AEBP2: variants seen among roughly 807,000 people sequenced by gnomAD.
AEBP2 encodes the protein zinc finger protein AEBP2.
AEBP2 carries 10 observed loss-of-function variants against 50.8 expected under a neutral mutation model. The ratio of observed to expected loss-of-function variants is 0.20; its 90% confidence interval spans 0.12 to 0.33. The LOEUF (loss-of-function observed/expected upper bound fraction) is 0.33. Among genes scored for constraint, AEBP2 ranks in the 10% least tolerant of loss-of-function variants. The pLI is 1.00. For missense variants in AEBP2, 570 were observed against 688.0 expected (o/e 0.83, Z 1.92); for synonymous variants, 296 against 261.3 (o/e 1.13, Z -1.28).
chr12:19,504,405 T>G (rs536406460), intron 5 of AEBP2, among the ~76,000 whole-genome samples: 2 of 150,568 alleles, frequency 1.3e-5, no homozygotes, highest in African/African-American at 2.4e-5. Context: ...CCTGGCTAAT[T>G]TTTTTGTATT....
chr12:19,493,167 C>G (rs1829118889), intron 3 of AEBP2, among the ~76,000 whole-genome samples: 1 of 152,090 alleles, frequency 6.6e-6, no homozygotes, highest in African/African-American at 2.4e-5. Context: ...TTTGGGAGGC[C>G]AAAGCAGGCA....
At chr12:19,457,131 C>T (rs1283876913) in intron 1 of AEBP2, 24 of 1,598,700 alleles carry the variant, frequency 1.5e-5, no homozygotes, top group Admixed American at 3.3e-5. Context: ...TAACAATTTC[C>T]TCATATCTCT....
intron 2 of AEBP2, among the ~76,000 whole-genome samples, chr12:19,469,744 G>A (rs948839607): frequency 6.6e-6 from 1 of 152,182 alleles, no homozygotes; most frequent in Non-Finnish European, 1.5e-5. Flanking sequence ...ACTGTGCTCA[G>A]CAGGTTGTTT....
intron 5 of AEBP2, among the ~76,000 whole-genome samples, 178 bp from the exon 6 acceptor site, chr12:19,512,220 C>T (rs1949243598): frequency 6.6e-6 from 1 of 152,150 alleles, no homozygotes; most frequent in Admixed American, 6.6e-5. Context: ...CGGGGTTTCA[C>T]CATATTGGCC....
chr12:19,447,866 A>G (rs78625744), intron 1 of AEBP2, among the ~76,000 whole-genome samples: 1 of 152,350 alleles, frequency 6.6e-6, no homozygotes, highest in East Asian at 1.9e-4. Flanking sequence ...ACAAAACAGT[A>G]TAAAGTAATT....
chr12:19,467,247 T>C (rs1948493160), intron 2 of AEBP2, among the ~76,000 whole-genome samples: 1 of 151,704 alleles, frequency 6.6e-6, no homozygotes, highest in South Asian at 2.1e-4. Context: ...GAGTGCTTTC[T>C]GCAATTTCAA....
chr12:19,517,983 A>G (rs955370475), intron 7 of AEBP2, 104 bp from the exon 8 acceptor site: 1 of 1,029,354 alleles, frequency 9.7e-7, no homozygotes, highest in Admixed American at 3.0e-5. Flanking sequence ...ATAATCTATG[A>G]TCATCACATT....
chr12:19,427,830 A>C (rs2095749359), intron 1 of AEBP2, among the ~76,000 whole-genome samples: 1 of 151,626 alleles, frequency 6.6e-6, no homozygotes, highest in Non-Finnish European at 1.5e-5. Flanking sequence ...GAAGGATTTT[A>C]CTCCTCAGAG....
intron 5 of AEBP2, among the ~76,000 whole-genome samples, chr12:19,505,702 A>C (rs1304546259): frequency 6.6e-6 from 1 of 152,230 alleles, no homozygotes; most frequent in Non-Finnish European, 1.5e-5. Flanking sequence ...CTAAGACCTT[A>C]GCTTTTATTC....
rs1250781328 is a variant in AEBP2, at chr12:19,440,029, C to T, written c.330C>T (p.Ser110=). 6.6e-7 allele frequency: 1 copy of T among 1,524,248 alleles called. No individual in the cohort carries two copies. Among genetic ancestry groups the T allele is most frequent in the Non-Finnish European group, 8.8e-7 (1 of 1,141,790 alleles). The allele number at this position is 1,524,248 out of a possible 1,614,324, so 94.4% of individuals were successfully genotyped here. ...EEDDEEEEDE[S]SSSGGGEEES... ...ACGACGAGGAGGAGGAAGATGAGAG[C>T]AGCAGCAGCGGCGGGGGTGAGGAGG... The change falls in exon 1 of 8, where the codon AGC becomes AGT. Residue 110 remains serine, a synonymous_variant. Transcript: ENST00000266508.
At chr12:19,453,058 T>C (rs1948193674) in intron 1 of AEBP2, among the ~76,000 whole-genome samples, 1 of 140,170 alleles carries the variant, frequency 7.1e-6, no homozygotes, top group Admixed American at 8.0e-5. Flanking sequence ...AAGCTCCGCC[T>C]CCCAGGTTCA....
At position 19,440,692 on chromosome 12, in the gene AEBP2, GA is replaced by G. The variant is rs1299953427; in HGVS notation, c.671+324del. 4 of 1,533,310 alleles carry G rather than the reference GA, an allele frequency of 2.6e-6. No homozygotes were observed. The Admixed American group carries it at 5.9e-5, about 23-fold the overall frequency. The allele number at this position is 1,533,310 out of a possible 1,614,324, so 95.0% of individuals were successfully genotyped here. A position where few individuals can be genotyped will look rare whatever the true frequency, so the allele number is the denominator to read the frequency against. On this transcript the variant is annotated intron_variant, in intron 1 of 7. Coordinates refer to ENST00000266508, the MANE Select transcript of AEBP2 (RefSeq NM_153207.5). ...CGGGCCCAGATCCTCTGGCGGAGCA[GA>G]AGAGGGCCTTGATGTACACACGTCG... is the stretch of plus-strand genomic sequence containing the variant.
intron 1 of AEBP2, among the ~76,000 whole-genome samples, chr12:19,458,934 C>A (rs931851027): frequency 6.6e-6 from 1 of 152,172 alleles, no homozygotes; most frequent in Non-Finnish European, 1.5e-5. Flanking sequence ...GTCTCCCTCC[C>A]CAACTTAGGT....
intron 3 of AEBP2, among the ~76,000 whole-genome samples, chr12:19,474,856 G>C (rs909535700): frequency 1.3e-5 from 2 of 151,892 alleles, no homozygotes; most frequent in African/African-American, 2.4e-5. Context: ...ACAGTGGCAT[G>C]ATCTTGGCTC....
chr12:19,446,035 A>G (rs1948058311), intron 1 of AEBP2: 2 of 152,206 alleles, frequency 1.3e-5, no homozygotes, highest in Non-Finnish European at 2.9e-5. Flanking sequence ...AGTTTATCAT[A>G]TATGTTGCTG....
chr12:19,456,429 A>G, intron 1 of AEBP2: 6 of 1,404,508 alleles, frequency 4.3e-6, no homozygotes, highest in Non-Finnish European at 3.0e-6. Context: ...AACCATATCA[A>G]CGTTGGCAGC....
intron 1 of AEBP2, 104 bp from the exon 2 acceptor site, chr12:19,462,406 C>T (rs1335336423): frequency 3.2e-6 from 3 of 940,420 alleles, no homozygotes; most frequent in South Asian, 3.4e-5. Flanking sequence ...GCTTTGTTCA[C>T]ATGGAGCAGA....
intron 1 of AEBP2, among the ~76,000 whole-genome samples, chr12:19,425,897 T>A (rs1454902437): frequency 6.6e-6 from 1 of 152,026 alleles, no homozygotes. Flanking sequence ...TATCTTAGGA[T>A]GCTTTCTGAT....
At chr12:19,505,001 T>C (rs1949134899) in intron 5 of AEBP2, among the ~76,000 whole-genome samples, 1 of 152,132 alleles carries the variant, frequency 6.6e-6, no homozygotes, top group Admixed American at 6.5e-5. Context: ...AGACATGAAT[T>C]TGAGGAAAGG....
Sources: allele counts gnomAD v4.1 joint callset (sites outside exome capture counted in the v4.1 genomes callset), GRCh38; gene constraint gnomAD v4.1.1; transcripts MANE v1.5; gene names NCBI Gene and HGNC (gene_info 2026-07-23, HGNC 2026-07-21).